UBE2K: variants seen among roughly 807,000 people sequenced by gnomAD.
The protein encoded by UBE2K is ubiquitin conjugating enzyme E2 K.
UBE2K carries 6 observed loss-of-function variants against 30.0 expected under a neutral mutation model. That is an observed-to-expected ratio of 0.20 (90% CI 0.11 to 0.39). The LOEUF (loss-of-function observed/expected upper bound fraction) is 0.39, where lower values mean the gene tolerates loss of function less well. Ranked by LOEUF, UBE2K falls within the 10% of genes least tolerant of loss-of-function variation. The pLI, the probability that UBE2K is intolerant of heterozygous loss-of-function variation, is 1.00. For synonymous variants in UBE2K, 86 were observed against 83.7 expected, an observed-to-expected ratio of 1.03 and a Z score of -0.15; for missense variants, 61 against 241.6, an observed-to-expected ratio of 0.25 and a Z score of 4.96.
intron 4 of UBE2K, among the ~76,000 whole-genome samples, chr4:39,761,941 C>T (rs994052628): frequency 6.6e-6 from 1 of 151,330 alleles, no homozygotes; most frequent in Non-Finnish European, 1.5e-5. Context: ...TTTGGGAGGC[C>T]GAGGTGGGTG....
intron 4 of UBE2K, among the ~76,000 whole-genome samples, chr4:39,765,582 G>A (rs1712265347): frequency 6.6e-6 from 1 of 152,190 alleles, no homozygotes; most frequent in Admixed American, 6.5e-5. Context: ...CACTTTGGGA[G>A]GCCGAGATGG....
At chr4:39,724,888 A>G (rs997068977) in intron 1 of UBE2K, among the ~76,000 whole-genome samples, 4 of 152,186 alleles carry the variant, frequency 2.6e-5, no homozygotes, top group African/African-American at 9.6e-5. Context: ...TTGTATTAAC[A>G]TTTTTTGTAG....
At chr4:39,770,167 G>T in intron 4 of UBE2K, 2 of 1,607,022 alleles carry the variant, frequency 1.2e-6, no homozygotes. Flanking sequence ...TTGAGATGCC[G>T]CCTAATGGCA....
chr4:39,771,150 A>T, intron 4 of UBE2K: 1 of 1,612,780 alleles, frequency 6.2e-7, no homozygotes, highest in Non-Finnish European at 8.5e-7. Context: ...TGTCCCTAAC[A>T]GCGAATTCCA....
At chr4:39,717,959 T>A (rs172552) in intron 1 of UBE2K, among the ~76,000 whole-genome samples, 1 of 142,766 alleles carries the variant, frequency 7.0e-6, no homozygotes, top group South Asian at 2.1e-4. Flanking sequence ...TGCAGACCTT[T>A]GCGGTGAGTG....
In UBE2K at chr4:39,780,291, G is replaced by C. The variant is rs1181020434; in HGVS notation, c.*1857G>C. 6.6e-6 allele frequency: 1 copy of C among 152,104 alleles called. No individual in the cohort carries two copies. The highest frequency in any genetic ancestry group is 2.4e-5 in the African/African-American group (1 of 41,444). 9.4% of individuals were successfully genotyped at this position (152,104 alleles called of 1,614,324 possible). On this transcript the variant is annotated 3_prime_UTR_variant, in exon 7 of 7. Coordinates refer to ENST00000261427, the MANE Select transcript of UBE2K (RefSeq NM_005339.5). The stretch of plus-strand genomic sequence containing the variant: ...TGAAAATGTGGATGGTTTTTCTCCA[G>C]TGTTGGTTAGAACTACTTTTTTTAA...
chr4:39,762,191 A>AATC (rs1711996651), intron 4 of UBE2K, among the ~76,000 whole-genome samples: 1 of 147,330 alleles, frequency 6.8e-6, no homozygotes, highest in South Asian at 2.1e-4. Flanking sequence ...GTAAAATAAT[A>AATC]ATAATAATAA....
chr4:39,748,107 C>G (rs1303422444), intron 3 of UBE2K, among the ~76,000 whole-genome samples: 1 of 152,138 alleles, frequency 6.6e-6, no homozygotes, highest in African/African-American at 2.4e-5. Flanking sequence ...AAAGGTGTAG[C>G]CTTTATAGTG....
intron 4 of UBE2K, chr4:39,770,773 T>TG: frequency 6.3e-7 from 1 of 1,582,326 alleles, no homozygotes; most frequent in Non-Finnish European, 8.6e-7. Flanking sequence ...CCAGGGGGCT[T>TG]GAGCCGGTGT....
chr4:39,776,991 A>T (rs559250262), intron 5 of UBE2K, among the ~76,000 whole-genome samples: 1 of 152,202 alleles, frequency 6.6e-6, no homozygotes. Flanking sequence ...AGATTTAAAT[A>T]TATAAATTAC....
intron 2 of UBE2K, among the ~76,000 whole-genome samples, chr4:39,743,768 A>C (rs1192767105): frequency 6.6e-6 from 1 of 152,336 alleles, no homozygotes; most frequent in South Asian, 2.1e-4. Context: ...TATATTTTGT[A>C]ATAGTATTCT....
At chr4:39,773,705 A>C (rs1431005914) in intron 4 of UBE2K, among the ~76,000 whole-genome samples, 1 of 151,750 alleles carries the variant, frequency 6.6e-6, no homozygotes, top group East Asian at 2.0e-4. Flanking sequence ...GCGGATCACG[A>C]GGTCAGGAGA....
intron 5 of UBE2K, among the ~76,000 whole-genome samples, 158 bp downstream of exon 5, chr4:39,775,091 A>C (rs183833979): frequency 3.6e-4 from 55 of 152,382 alleles, no homozygotes; most frequent in African/African-American, 1.3e-3. Flanking sequence ...TGTAATAGTG[A>C]AAATAGACTT....
chr4:39,726,821 T>C (rs1719778899), intron 1 of UBE2K, among the ~76,000 whole-genome samples: 1 of 152,146 alleles, frequency 6.6e-6, no homozygotes, highest in African/African-American at 2.4e-5. Flanking sequence ...GGTCTCAAAC[T>C]CTTGACCTCA....
chr4:39,710,827 T>C (rs1438952736), intron 1 of UBE2K, among the ~76,000 whole-genome samples: 1 of 152,110 alleles, frequency 6.6e-6, no homozygotes, highest in Non-Finnish European at 1.5e-5. Flanking sequence ...TACTTAGAAG[T>C]TTTAAAAGTA....
intron 4 of UBE2K, among the ~76,000 whole-genome samples, chr4:39,759,563 C>A (rs977166793): frequency 6.6e-6 from 1 of 152,194 alleles, no homozygotes; most frequent in Non-Finnish European, 1.5e-5. Context: ...CAATGACAGG[C>A]GTGAGCCACT....
At chr4:39,766,251 C>T (rs944117589) in intron 4 of UBE2K, among the ~76,000 whole-genome samples, 1 of 151,888 alleles carries the variant, frequency 6.6e-6, no homozygotes, top group African/African-American at 2.4e-5. Flanking sequence ...TTTACATTCC[C>T]ACAAGTAGTG....
At chr4:39,742,157 G>A (rs1013389470) in intron 2 of UBE2K, among the ~76,000 whole-genome samples, 1 of 151,950 alleles carries the variant, frequency 6.6e-6, no homozygotes, top group East Asian at 1.9e-4. Flanking sequence ...ATGGGTTATA[G>A]AGATGGTTTA....
In UBE2K at chr4:39,779,703, A is replaced by G. The variant is rs1713499190; in HGVS notation, c.*1269A>G. 1 of 152,558 alleles carries G rather than the reference A, an allele frequency of 6.6e-6. No individual in the cohort carries two copies. 9.5% of individuals were successfully genotyped at this position (152,558 alleles called of 1,614,324 possible). On this transcript the variant is annotated 3_prime_UTR_variant, in exon 7 of 7. Coordinates refer to ENST00000261427, the MANE Select transcript of UBE2K (RefSeq NM_005339.5). Reference sequence around the variant, plus strand: ...GATCACACACTAATGTAACCATTTTATGAAGGTTGAAGTGGATTTATGCAG... The same window carrying G: ...GATCACACACTAATGTAACCATTTTGTGAAGGTTGAAGTGGATTTATGCAG...
Sources: gnomAD v4.1 joint callset for allele counts (sites outside exome capture counted in the v4.1 genomes callset) on GRCh38, gnomAD v4.1.1 for gene constraint, MANE v1.5 for transcripts, NCBI Gene and HGNC (gene_info 2026-07-23, HGNC 2026-07-21) for gene names.